Variants in B3GALT1 observed in about 807,000 individuals in gnomAD.
The protein encoded by B3GALT1 is UDP-Gal:betaGlcNAc beta 1,3-galactosyltransferase, polypeptide 1.
B3GALT1 carries 10 observed loss-of-function variants against 23.2 expected under a neutral mutation model. The ratio of observed to expected loss-of-function variants is 0.43; its 90% CI spans 0.27 to 0.73. The LOEUF (loss-of-function observed/expected upper bound fraction) is 0.73, where lower values mean the gene tolerates loss of function less well. Ranked by LOEUF, B3GALT1 falls within the 30% of genes least tolerant of loss-of-function variation. B3GALT1 has a pLI of 0.21. For missense variants in B3GALT1, 299 were observed against 405.4 expected, an observed-to-expected ratio of 0.74 and a Z score of 2.25; for synonymous variants, 156 against 141.5, an observed-to-expected ratio of 1.10 and a Z score of -0.73.
chr2:167,402,305 TAAA>T (rs531521504), intron 1 of B3GALT1, among the ~76,000 whole-genome samples: 3 of 152,068 alleles, frequency 2.0e-5, no homozygotes, highest in Non-Finnish European at 4.4e-5. Flanking sequence ...ATATTTCTAA[TAAA>T]AAAAGTTTTA....
intron 1 of B3GALT1, among the ~76,000 whole-genome samples, chr2:167,324,800 A>T (rs925798531): frequency 3.9e-5 from 6 of 152,010 alleles, no homozygotes; most frequent in Non-Finnish European, 8.8e-5. Flanking sequence ...AAACATTAGA[A>T]CTTACATCTT....
At chr2:167,740,548 T>G (rs1390587160) in intron 3 of B3GALT1, among the ~76,000 whole-genome samples, 3 of 152,190 alleles carry the variant, frequency 2.0e-5, no homozygotes, top group African/African-American at 7.2e-5. Context: ...AATAACTATA[T>G]TATTTTGCAG....
rs530433068 is a variant in B3GALT1, at chr2:167,352,648, G to A, written c.-511+59314G>A. ...AGGCAGGAGAATGGCATGAACCTGG[G>A]AGGCGGAGACTGCAGTGAGCCAAGA... On this transcript the variant is annotated intron_variant, in intron 1 of 4. Transcript: ENST00000392690. Among the ~76,000 whole-genome samples, 8 of 152,012 alleles carry A rather than the reference G, an allele frequency of 5.3e-5. No individual in the cohort carries two copies. The South Asian group carries it at 1.5e-3, about 28-fold the overall frequency.
At chr2:167,344,151 T>C (rs1697191227) in intron 1 of B3GALT1, among the ~76,000 whole-genome samples, 1 of 152,108 alleles carries the variant, frequency 6.6e-6, no homozygotes, top group Admixed American at 6.6e-5. Flanking sequence ...ATGTAACAAG[T>C]AGTGTGAACC....
At chr2:167,804,162 G>C (rs1468987129) in intron 3 of B3GALT1, among the ~76,000 whole-genome samples, 2 of 152,060 alleles carry the variant, frequency 1.3e-5, no homozygotes, top group East Asian at 1.9e-4. Flanking sequence ...GCTGATTTTT[G>C]TATTTTTAGT....
chr2:167,694,929 T>G (rs1018003336), intron 3 of B3GALT1, among the ~76,000 whole-genome samples: 1 of 152,280 alleles, frequency 6.6e-6, no homozygotes, highest in South Asian at 2.1e-4. Context: ...TTTCTTTGCT[T>G]AGATAACTTC....
intron 2 of B3GALT1, among the ~76,000 whole-genome samples, chr2:167,618,534 G>C (rs1685201199): frequency 1.3e-5 from 2 of 151,778 alleles, no homozygotes; most frequent in Non-Finnish European, 2.9e-5. Flanking sequence ...AATAAAAAAA[G>C]GTAACAGTGA....
At chr2:167,843,912 G>T (rs970758499) in intron 4 of B3GALT1, among the ~76,000 whole-genome samples, 1 of 152,188 alleles carries the variant, frequency 6.6e-6, no homozygotes, top group African/African-American at 2.4e-5. Flanking sequence ...CAAAACTGAG[G>T]CATGTGAAGT....
chr2:167,482,477 A>T lies in B3GALT1; in HGVS notation c.-510-7700A>T, dbSNP rs186405339. 1.4e-4 allele frequency among the ~76,000 whole-genome samples: 22 copies of T among 152,342 alleles called. No homozygotes were observed. In the East Asian group the frequency reaches 4.2e-3, roughly 29 times the overall value. ...TTTTCACAAATGCGAAATTTGAAATATACATTGTTCACCTCCTCCAGGCCA... is the reference window on the plus strand; with the variant it reads ...TTTTCACAAATGCGAAATTTGAAATTTACATTGTTCACCTCCTCCAGGCCA... On this transcript the variant is annotated intron_variant, in intron 1 of 4. Transcript: ENST00000392690.
chr2:167,372,222 GAATA>G (rs1194653770), intron 1 of B3GALT1, among the ~76,000 whole-genome samples: 1 of 151,786 alleles, frequency 6.6e-6, no homozygotes, highest in East Asian at 1.9e-4. Flanking sequence ...TGTATTTACA[GAATA>G]ATTAGAAAAA....
At chr2:167,658,078 T>C (rs1300963065) in intron 3 of B3GALT1, among the ~76,000 whole-genome samples, 5 of 152,132 alleles carry the variant, frequency 3.3e-5, no homozygotes, top group Admixed American at 1.3e-4. Flanking sequence ...ATTGTTTTCA[T>C]AAACCAGCAA....
intron 2 of B3GALT1, among the ~76,000 whole-genome samples, chr2:167,561,387 T>C (rs943270222): frequency 8.6e-5 from 13 of 151,772 alleles, no homozygotes; most frequent in Non-Finnish European, 4.4e-5. Context: ...AACATCACAA[T>C]TAAAAGAGCT....
intron 3 of B3GALT1, among the ~76,000 whole-genome samples, chr2:167,758,220 C>T (rs760201797): frequency 1.3e-5 from 2 of 152,024 alleles, no homozygotes; most frequent in Non-Finnish European, 2.9e-5. Flanking sequence ...TTTTAGAGAG[C>T]TCTCTGATAG....
At chr2:167,475,270 C>T (rs1385272817) in intron 1 of B3GALT1, among the ~76,000 whole-genome samples, 5 of 152,114 alleles carry the variant, frequency 3.3e-5, no homozygotes, top group Non-Finnish European at 7.3e-5. Flanking sequence ...GGAGACACTC[C>T]CCACCCCTAA....
chr2:167,343,234 G>C (rs1182003317), intron 1 of B3GALT1, among the ~76,000 whole-genome samples: 2 of 151,990 alleles, frequency 1.3e-5, no homozygotes, highest in African/African-American at 4.8e-5. Context: ...GATAAGTTGG[G>C]GTCTGTTATA....
intron 3 of B3GALT1, among the ~76,000 whole-genome samples, chr2:167,743,218 C>A (rs958166021): frequency 6.6e-6 from 1 of 151,984 alleles, no homozygotes; most frequent in African/African-American, 2.4e-5. Context: ...TATATCCTGG[C>A]ATGCATGAAC....
At chr2:167,805,147 A>G (rs1046992215) in intron 3 of B3GALT1, among the ~76,000 whole-genome samples, 3 of 152,070 alleles carry the variant, frequency 2.0e-5, no homozygotes, top group Non-Finnish European at 4.4e-5. Context: ...GTCTGTTCAT[A>G]TCCTTTGCCC....
At chr2:167,570,919 A>G (rs1167526016) in intron 2 of B3GALT1, among the ~76,000 whole-genome samples, 1 of 151,974 alleles carries the variant, frequency 6.6e-6, no homozygotes, top group Non-Finnish European at 1.5e-5. Context: ...CAATTTTTTA[A>G]TCTTGGTTCA....
At chr2:167,456,217 A>G (rs935915382) in intron 1 of B3GALT1, among the ~76,000 whole-genome samples, 19 of 152,178 alleles carry the variant, frequency 1.2e-4, no homozygotes, top group African/African-American at 4.6e-4. Flanking sequence ...AGCATGTCAC[A>G]TGGCAAGAGG....
Sources: gnomAD v4.1 joint callset for allele counts (sites outside exome capture counted in the v4.1 genomes callset) on GRCh38, gnomAD v4.1.1 for gene constraint, MANE v1.5 for transcripts, NCBI Gene and HGNC (gene_info 2026-07-23, HGNC 2026-07-21) for gene names.